Variants in ABI3BP observed in about 807,000 individuals in gnomAD.
The protein encoded by ABI3BP is target of Nesh-SH3.
Under a neutral mutation model 268.6 loss-of-function variants are expected in ABI3BP, and 216 were observed. That is an observed-to-expected ratio of 0.80 (90% CI 0.72 to 0.90). ABI3BP has a LOEUF of 0.90. ABI3BP is among the 40% of genes least tolerant of loss of function. The probability of loss-of-function intolerance (pLI) is 0.00; values close to 1 mark genes in which losing one functional copy is unlikely to be tolerated. For missense variants in ABI3BP, 2,090 were observed against 2,182.4 expected, an observed-to-expected ratio of 0.96 and a Z score of 0.84; for synonymous variants, 730 against 730.0, an observed-to-expected ratio of 1.00 and a Z score of 0.00.
At chr3:100,810,666 A>T (rs2097842382) in intron 48 of ABI3BP, among the ~76,000 whole-genome samples, 189 bp from the exon 49 acceptor site, 1 of 152,160 alleles carries the variant, frequency 6.6e-6, no homozygotes, top group Admixed American at 6.6e-5. Flanking sequence ...TGCAGCTTAC[A>T]AAGTACTTCT....
At chr3:100,814,544 A>G (rs1466940893) in intron 44 of ABI3BP, among the ~76,000 whole-genome samples, 3 of 152,026 alleles carry the variant, frequency 2.0e-5, no homozygotes, top group Non-Finnish European at 4.4e-5. Context: ...TGTTTTTACT[A>G]CTCAATTAAA....
intron 35 of ABI3BP, among the ~76,000 whole-genome samples, chr3:100,825,158 G>A (rs1280718487): frequency 6.6e-6 from 1 of 152,170 alleles, no homozygotes; most frequent in Non-Finnish European, 1.5e-5. Flanking sequence ...CTCAAGGAGT[G>A]AAGATTAGCA....
chr3:100,780,025 T>TC (rs2096823328), intron 58 of ABI3BP, 107 bp downstream of exon 58: 1 of 930,444 alleles, frequency 1.1e-6, no homozygotes. Context: ...TTCTGATACT[T>TC]CGGGGGCTGT....
intron 50 of ABI3BP, among the ~76,000 whole-genome samples, chr3:100,805,402 TCAAA>T: frequency 6.6e-6 from 1 of 152,056 alleles, no homozygotes; most frequent in Non-Finnish European, 1.5e-5. Context: ...AGAGAAACCT[TCAAA>T]TGAATTTGCT....
At chr3:100,872,195 ATACT>A (rs1205510437) in intron 9 of ABI3BP, among the ~76,000 whole-genome samples, 6 of 152,174 alleles carry the variant, frequency 3.9e-5, no homozygotes, top group Admixed American at 2.0e-4. Context: ...GTTTAAAAAC[ATACT>A]TACTATTTTC....
chr3:100,824,104 T>A (rs560585085), intron 36 of ABI3BP, among the ~76,000 whole-genome samples: 6 of 152,324 alleles, frequency 3.9e-5, no homozygotes, highest in South Asian at 4.2e-4. Context: ...CAGCCCAGAA[T>A]AAGTGGAAAT....
intron 31 of ABI3BP, among the ~76,000 whole-genome samples, chr3:100,831,533 A>G (rs1284324177): frequency 1.3e-5 from 2 of 152,098 alleles, no homozygotes; most frequent in African/African-American, 4.8e-5. Context: ...AGAACAGAAA[A>G]AGCATGATCC....
chr3:100,836,302 T>C (rs544508717), intron 27 of ABI3BP, among the ~76,000 whole-genome samples: 4 of 152,170 alleles, frequency 2.6e-5, no homozygotes, highest in African/African-American at 4.8e-5. Context: ...CTGAAATTGA[T>C]TATACATAGA....
At chr3:100,868,173 T>C (rs2099073245) in intron 9 of ABI3BP, among the ~76,000 whole-genome samples, 1 of 152,222 alleles carries the variant, frequency 6.6e-6, no homozygotes, top group African/African-American at 2.4e-5. Context: ...CCTAAGGCTA[T>C]ACAGAACTTA....
intron 2 of ABI3BP, chr3:100,911,643 C>A: frequency 1.4e-6 from 1 of 717,660 alleles, no homozygotes; most frequent in Non-Finnish European, 2.6e-6. Flanking sequence ...TGTAGAGGAA[C>A]CTGATACAGT....
At chr3:100,837,714 C>CA (rs1416031428) in intron 26 of ABI3BP, among the ~76,000 whole-genome samples, 1 of 152,182 alleles carries the variant, frequency 6.6e-6, no homozygotes, top group African/African-American at 2.4e-5. Context: ...CCGGTTGCAC[C>CA]ACTGTACTCC....
intron 1 of ABI3BP, among the ~76,000 whole-genome samples, chr3:100,983,348 T>A (rs1030759194): frequency 6.6e-6 from 1 of 152,174 alleles, no homozygotes; most frequent in African/African-American, 2.4e-5. Context: ...CTGGAATATA[T>A]AAATGTGCAC....
intron 4 of ABI3BP, among the ~76,000 whole-genome samples, chr3:100,887,615 G>A (rs998151039): frequency 6.6e-6 from 1 of 152,030 alleles, no homozygotes; most frequent in Non-Finnish European, 1.5e-5. Flanking sequence ...TACGCATTGG[G>A]TAAACTATTT....
At chr3:100,934,026 A>C (rs888550389) in intron 1 of ABI3BP, among the ~76,000 whole-genome samples, 1 of 152,034 alleles carries the variant, frequency 6.6e-6, no homozygotes, top group African/African-American at 2.4e-5. Flanking sequence ...GTACATGTGC[A>C]GAACGTGCAT....
At chr3:100,912,005 T>C (rs1029890662) in intron 2 of ABI3BP, 1 of 782,262 alleles carries the variant, frequency 1.3e-6, no homozygotes, top group African/African-American at 1.7e-5. Context: ...TATTTCTGAA[T>C]GTCAATTGTA....
rs940484092 is a variant in ABI3BP at position 100,816,787 on chromosome 3, G to C, written c.3149-19C>G. 6.5e-7 allele frequency: 1 copy of C among 1,533,402 alleles called. No homozygotes were observed. Among genetic ancestry groups the C allele is most frequent in the Non-Finnish European group, 8.7e-7 (1 of 1,144,632 alleles). 95.0% of individuals were successfully genotyped at this position (1,533,402 alleles called of 1,614,324 possible). The stretch of plus-strand genomic sequence containing the variant: ...TTAGGAGCTGAAGGAAGAAACTTTG[G>C]ATTACTCTAGTGCAGGTGGCTTTGG... On this transcript the variant is annotated intron_variant, in intron 42 of 67. Coordinates refer to ENST00000471714, the MANE Select transcript of ABI3BP (RefSeq NM_001375547.2).
chr3:100,947,103 T>C (rs904801265), intron 1 of ABI3BP, among the ~76,000 whole-genome samples: 1 of 152,194 alleles, frequency 6.6e-6, no homozygotes, highest in African/African-American at 2.4e-5. Flanking sequence ...TTTATGGTAA[T>C]AATTAAAACA....
rs1580121687 is a variant in ABI3BP, at chr3:100,843,421, TGA to T, written c.1724-1384_1724-1383del. ...TTCTGAGTGTGTGTGTGTGTGTGTG[TGA>T]GTGAGTCTGTATGACAGAAGAGAGA... On this transcript the variant is annotated intron_variant, in intron 20 of 67. Transcript: ENST00000471714. Among the ~76,000 whole-genome samples the T allele has an allele frequency of 2.3e-5, 3 of 129,832 alleles. No homozygotes were observed. The South Asian group carries it at 7.7e-4, about 33-fold the overall frequency. The allele number at this position is 129,832 out of a possible 152,430, so 85.2% of individuals were successfully genotyped here.
rs181136155 is a variant in ABI3BP at position 100,749,587 on chromosome 3, C to G, written c.*908G>C. On this transcript the variant is annotated 3_prime_UTR_variant, in exon 68 of 68. Transcript: ENST00000471714. ...ACAGTTACAAAGACATTCTCTGATA[C>G]ATTCATTCATAGAGGTCTTAACGTA... 1,388 of 388,292 alleles carry G rather than the reference C, an allele frequency of 3.6e-3. 7 individuals are homozygous for G. Among genetic ancestry groups the G allele is most frequent in the Non-Finnish European group, 4.3e-3 (976 of 225,182 alleles). 24.1% of individuals were successfully genotyped at this position (388,292 alleles called of 1,614,324 possible).
Sources: gnomAD v4.1 joint callset for allele counts (sites outside exome capture counted in the v4.1 genomes callset) on GRCh38, gnomAD v4.1.1 for gene constraint, MANE v1.5 for transcripts, NCBI Gene and HGNC (gene_info 2026-07-23, HGNC 2026-07-21) for gene names.